Variants in KCNH1 observed in about 807,000 individuals in gnomAD.
The protein encoded by KCNH1 is potassium voltage-gated channel subfamily H member 1.
Under a neutral mutation model 69.2 loss-of-function variants are expected in KCNH1, and 27 were observed. That is an observed-to-expected ratio of 0.39 (90% CI 0.29 to 0.54). The LOEUF (loss-of-function observed/expected upper bound fraction) is 0.54, where lower values mean the gene tolerates loss of function less well. Ranked by LOEUF, KCNH1 falls within the 20% of genes least tolerant of loss-of-function variation. The pLI, the probability that KCNH1 is intolerant of heterozygous loss-of-function variation, is 0.68. For synonymous variants in KCNH1, 456 were observed against 487.7 expected (o/e 0.93, Z 0.86); for missense variants, 798 against 1,261.6 (o/e 0.63, Z 5.57).
At chr1:211,112,518 A>C (rs1440510247) in intron 1 of KCNH1, among the ~76,000 whole-genome samples, 1 of 151,706 alleles carries the variant, frequency 6.6e-6, no homozygotes, top group Admixed American at 6.6e-5. Flanking sequence ...AAAAAAAAAA[A>C]AAAAACAAGC....
chr1:210,962,287 G>A (rs187180886), intron 6 of KCNH1, among the ~76,000 whole-genome samples: 1 of 152,116 alleles, frequency 6.6e-6, no homozygotes, highest in Non-Finnish European at 1.5e-5. Context: ...CTCCTTGATT[G>A]TCTGATACCT....
intron 10 of KCNH1, among the ~76,000 whole-genome samples, chr1:210,721,642 A>G (rs996087745): frequency 4.3e-4 from 66 of 152,098 alleles, no homozygotes; most frequent in Admixed American, 5.2e-4. Flanking sequence ...CTTTTTTGAG[A>G]CATATCAGAA....
At chr1:210,856,334 T>G (rs1685837302) in intron 7 of KCNH1, among the ~76,000 whole-genome samples, 2 of 152,096 alleles carry the variant, frequency 1.3e-5, no homozygotes, top group South Asian at 4.2e-4. Flanking sequence ...TGGAAAAAAC[T>G]TAAACGTCAG....
chr1:210,736,226 T>C (rs912683463), intron 10 of KCNH1, among the ~76,000 whole-genome samples: 3 of 152,068 alleles, frequency 2.0e-5, no homozygotes, highest in African/African-American at 7.2e-5. Context: ...CTATTTTATC[T>C]CCTTTTTAAA....
intron 10 of KCNH1, among the ~76,000 whole-genome samples, chr1:210,743,805 G>C (rs1437051459): frequency 2.0e-5 from 3 of 152,154 alleles, no homozygotes; most frequent in African/African-American, 7.2e-5. Context: ...TGTCAGGTTT[G>C]TTAGCAGAGC....
chr1:211,039,171 G>T (rs1229258538), intron 5 of KCNH1, among the ~76,000 whole-genome samples: 3 of 152,218 alleles, frequency 2.0e-5, no homozygotes, highest in Non-Finnish European at 4.4e-5. Flanking sequence ...ATACACCTCA[G>T]ACTGTGGCTT....
chr1:211,048,661 G>C (rs1244614889), intron 5 of KCNH1, among the ~76,000 whole-genome samples: 2 of 152,140 alleles, frequency 1.3e-5, no homozygotes, highest in Admixed American at 6.5e-5. Flanking sequence ...CCAAAGGCAT[G>C]AGAATGATAC....
chr1:210,750,578 G>C (rs1441244528), intron 10 of KCNH1, among the ~76,000 whole-genome samples: 1 of 152,166 alleles, frequency 6.6e-6, no homozygotes, highest in Non-Finnish European at 1.5e-5. Flanking sequence ...CAAGTCACAG[G>C]AAGGAATCTT....
At chr1:210,963,404 C>A (rs1688335550) in intron 6 of KCNH1, among the ~76,000 whole-genome samples, 1 of 152,042 alleles carries the variant, frequency 6.6e-6, no homozygotes, top group Non-Finnish European at 1.5e-5. Context: ...CAACTCCTCA[C>A]CAGCGAGGGA....
chr1:210,709,703 GAAAGAGAA>G (rs1365604680), intron 10 of KCNH1, among the ~76,000 whole-genome samples: 2 of 139,976 alleles, frequency 1.4e-5, no homozygotes, highest in South Asian at 2.3e-4. Context: ...GAGAGAAAAA[GAAAGAGAA>G]AGAAAGAAAG....
At chr1:211,098,267 G>A (rs529363105) in intron 3 of KCNH1, among the ~76,000 whole-genome samples, 2 of 151,000 alleles carry the variant, frequency 1.3e-5, no homozygotes, top group Admixed American at 1.3e-4. Flanking sequence ...GTTGCAGTGA[G>A]CTGAGATCGC....
At chr1:211,060,242 G>A (rs1006183884) in intron 5 of KCNH1, among the ~76,000 whole-genome samples, 1 of 151,662 alleles carries the variant, frequency 6.6e-6, no homozygotes, top group Non-Finnish European at 1.5e-5. Flanking sequence ...GCACTACTAA[G>A]AGAAAAGTTT....
intron 5 of KCNH1, 116 bp downstream of exon 5, chr1:211,082,660 ACAGG>A (rs1213653135): frequency 1.3e-6 from 1 of 761,762 alleles, no homozygotes; most frequent in African/African-American, 1.7e-5. Context: ...CCCAGCCAAG[ACAGG>A]CGTCTGGGGG....
At chr1:210,970,725 G>A (rs978311722) in intron 6 of KCNH1, among the ~76,000 whole-genome samples, 1 of 152,044 alleles carries the variant, frequency 6.6e-6, no homozygotes, top group Non-Finnish European at 1.5e-5. Context: ...GGACGTAAGG[G>A]TGGGCAAAGA....
At chr1:210,866,464 A>G (rs1377874312) in intron 7 of KCNH1, among the ~76,000 whole-genome samples, 1 of 152,192 alleles carries the variant, frequency 6.6e-6, no homozygotes, top group East Asian at 1.9e-4. Flanking sequence ...ATCTAAATAG[A>G]CATTTCTCCA....
intron 1 of KCNH1, among the ~76,000 whole-genome samples, chr1:211,109,297 G>A (rs552404626): frequency 6.6e-6 from 1 of 152,300 alleles, no homozygotes; most frequent in East Asian, 1.9e-4. Context: ...AGAGTGGCAG[G>A]ATGAGTAACT....
chr1:211,038,174 G>C (rs1455473313), intron 5 of KCNH1, among the ~76,000 whole-genome samples: 1 of 151,892 alleles, frequency 6.6e-6, no homozygotes. Flanking sequence ...TGTTAGCCAG[G>C]ATGGTCTCGA....
intron 5 of KCNH1, among the ~76,000 whole-genome samples, chr1:211,020,717 T>A (rs968515049): frequency 6.6e-6 from 1 of 151,988 alleles, no homozygotes; most frequent in African/African-American, 2.4e-5. Context: ...ATATTCCTGA[T>A]GAACCTACAT....
chr1:210,841,398 A>G (rs1172735990), intron 7 of KCNH1, among the ~76,000 whole-genome samples: 2 of 152,210 alleles, frequency 1.3e-5, no homozygotes, highest in Non-Finnish European at 2.9e-5. Flanking sequence ...CAAGAAAACC[A>G]TCAGAGAATG....
Sources: allele counts gnomAD v4.1 joint callset (sites outside exome capture counted in the v4.1 genomes callset), GRCh38; gene constraint gnomAD v4.1.1; transcripts MANE v1.5; gene names NCBI Gene and HGNC (gene_info 2026-07-23, HGNC 2026-07-21).